The following CC2D2A variants were observed in gnomAD, a reference collection of about 807,000 sequenced individuals.
CC2D2A encodes the protein coiled-coil and C2 domain containing 2A, also known as coiled-coil and C2 domain-containing protein 2A.
A neutral mutation model predicts 212.9 loss-of-function variants in CC2D2A; 155 were observed. The observed-to-expected ratio is 0.73, with a 90% CI of 0.64 to 0.83. The LOEUF is 0.83. Ranked by LOEUF, CC2D2A falls within the 40% of genes least tolerant of loss-of-function variation. CC2D2A has a pLI of 0.00. For synonymous variants in CC2D2A, 667 were observed against 686.5 expected (o/e 0.97, Z 0.44); for missense variants, 1,856 against 1,956.2 (o/e 0.95, Z 0.97).
intron 8 of CC2D2A, chr4:15,511,744 T>C (rs1464219962): frequency 6.1e-6 from 1 of 163,492 alleles, no homozygotes; most frequent in Non-Finnish European, 1.3e-5. Flanking sequence ...GCAAAATATG[T>C]TCCTCTGCAA....
intron 8 of CC2D2A, among the ~76,000 whole-genome samples, chr4:15,512,228 C>T (rs1326580590): frequency 1.3e-5 from 2 of 152,158 alleles, no homozygotes; most frequent in African/African-American, 4.8e-5. Flanking sequence ...TCCAAAAACA[C>T]TGAAGACAAG....
chr4:15,538,486 C>T (rs1718257317), intron 16 of CC2D2A, among the ~76,000 whole-genome samples: 2 of 152,152 alleles, frequency 1.3e-5, no homozygotes, highest in Non-Finnish European at 2.9e-5. Flanking sequence ...TCTGTAACCT[C>T]AATGAGTCCT....
intron 4 of CC2D2A, among the ~76,000 whole-genome samples, chr4:15,500,943 C>T (rs1715911956): frequency 6.6e-6 from 1 of 152,160 alleles, no homozygotes; most frequent in South Asian, 2.1e-4. Context: ...TCTCCCAGAG[C>T]TTGGTGTCCT....
chr4:15,472,518 G>T (rs1057076656), intron 1 of CC2D2A, among the ~76,000 whole-genome samples: 2 of 152,012 alleles, frequency 1.3e-5, no homozygotes, highest in Non-Finnish European at 2.9e-5. Flanking sequence ...TAAAGGAAAT[G>T]ATCAGGAAAG....
rs376651324 is a variant in CC2D2A, at chr4:15,527,638, G to A, written c.1341G>A (p.Ala447=). 4.7e-5 allele frequency: 76 copies of A among 1,607,720 alleles called. No individual in the cohort carries two copies. Among genetic ancestry groups the A allele is most frequent in the Non-Finnish European group, 5.6e-5 (66 of 1,176,768 alleles). The stretch of plus-strand genomic sequence containing the variant: ...TTGCAAGACACCAGAGAAACAAGGC[G>A]AAATTTCTTACTGATAAGGTACATG... ...QYLARHQRNK[A]KFLTDKLQAL... is the part of the protein sequence containing the mutation. Residue 447 remains alanine (A), a synonymous_variant, in exon 12 of 37, where the codon GCG becomes GCA. Transcript: ENST00000424120.
intron 4 of CC2D2A, among the ~76,000 whole-genome samples, chr4:15,502,035 C>G (rs1715982321): frequency 1.3e-5 from 2 of 152,224 alleles, no homozygotes; most frequent in Non-Finnish European, 2.9e-5. Flanking sequence ...GCCACCCATT[C>G]ACCCGACAAG....
At chr4:15,545,323 A>G (rs909883308) in intron 17 of CC2D2A, among the ~76,000 whole-genome samples, 36 of 152,212 alleles carry the variant, frequency 2.4e-4, no homozygotes, top group South Asian at 2.1e-4. Context: ...TAATGCATCA[A>G]TTGATAACTC....
intron 36 of CC2D2A, among the ~76,000 whole-genome samples, chr4:15,600,903 CAAAAAAAAAA>C (rs5856308): frequency 1.1e-5 from 1 of 93,016 alleles, no homozygotes; most frequent in South Asian, 3.8e-4. Context: ...AGACCTGTCT[CAAAAAAAAAA>C]AAAAAAAAGA....
intron 11 of CC2D2A, among the ~76,000 whole-genome samples, chr4:15,524,746 C>T (rs1387276198): frequency 2.6e-5 from 4 of 152,188 alleles, no homozygotes; most frequent in African/African-American, 4.8e-5. Flanking sequence ...CCACCGCACC[C>T]GGCTTTAATT....
At chr4:15,578,812 GTTTGT>G (rs1484960277) in intron 29 of CC2D2A, among the ~76,000 whole-genome samples, 4 of 129,898 alleles carry the variant, frequency 3.1e-5, no homozygotes, top group Middle Eastern at 3.7e-3. Context: ...TTGTTTGTTT[GTTTGT>G]TTTTAATAGA....
At chr4:15,500,915 A>G (rs894394654) in intron 4 of CC2D2A, among the ~76,000 whole-genome samples, 6 of 152,086 alleles carry the variant, frequency 3.9e-5, no homozygotes, top group African/African-American at 1.4e-4. Context: ...CCAAGCCTTT[A>G]CTGTTCAGTC....
At chr4:15,591,813 A>G (rs1721121189) in intron 33 of CC2D2A, among the ~76,000 whole-genome samples, 1 of 152,220 alleles carries the variant, frequency 6.6e-6, no homozygotes, top group South Asian at 2.1e-4. Flanking sequence ...TAACTCTGTT[A>G]TCTGTCAAAA....
At chr4:15,595,954 C>T (rs1721298652) in intron 33 of CC2D2A, 131 bp from the exon 34 acceptor site, 1 of 536,390 alleles carries the variant, frequency 1.9e-6, no homozygotes, top group Admixed American at 4.3e-5. Flanking sequence ...CAAAAAATGA[C>T]AAAATGTATG....
At chr4:15,497,180 A>C (rs1306172774) in intron 4 of CC2D2A, among the ~76,000 whole-genome samples, 1 of 152,226 alleles carries the variant, frequency 6.6e-6, no homozygotes, top group Non-Finnish European at 1.5e-5. Flanking sequence ...AGGATACGGT[A>C]ACTAAAACAG....
chr4:15,470,261 C>G (rs1410548069), intron 1 of CC2D2A, among the ~76,000 whole-genome samples: 1 of 152,160 alleles, frequency 6.6e-6, no homozygotes, highest in Non-Finnish European at 1.5e-5. Context: ...GAGCTGCTAT[C>G]TGGTATCTGG....
intron 17 of CC2D2A, among the ~76,000 whole-genome samples, chr4:15,549,387 G>A (rs1577367692): frequency 6.6e-6 from 1 of 152,184 alleles, no homozygotes; most frequent in Non-Finnish European, 1.5e-5. Flanking sequence ...CCTGAATTCA[G>A]TACCTGTGCA....
rs139277917 is a variant in CC2D2A, at chr4:15,475,518, A to G, written c.-18-397A>G. On this transcript the variant is annotated intron_variant, in intron 1 of 36. Coordinates refer to ENST00000424120, the MANE Select transcript of CC2D2A (RefSeq NM_001378615.1). ...AAGCAGAGGAGGTGGCGGTGGCTCC[A>G]TGTGGTGGGAGGGGAAGGGGATGTA... Among the ~76,000 whole-genome samples the G allele has an allele frequency of 2.8e-3, 424 of 152,148 alleles. 1 individual carries two copies. The highest frequency in any genetic ancestry group is 9.9e-3 in the African/African-American group (409 of 41,522).
In CC2D2A at chr4:15,594,665, T is replaced by C. The variant is rs562181392; in HGVS notation, c.4315-1420T>C. On this transcript the variant is annotated intron_variant, in intron 33 of 36. Transcript: ENST00000424120. ...AAGTCAAGGAGTGCAAAAGTGTATTTTTTCTCTTTTAGTGGGAGGAACTGC... is the reference window on the plus strand; with the variant it reads ...AAGTCAAGGAGTGCAAAAGTGTATTCTTTCTCTTTTAGTGGGAGGAACTGC... 1.4e-3 allele frequency among the ~76,000 whole-genome samples: 210 copies of C among 152,312 alleles called. 3 individuals are homozygous for C. Among genetic ancestry groups the C allele is most frequent in the African/African-American group, 4.9e-3 (202 of 41,564 alleles).
intron 4 of CC2D2A, among the ~76,000 whole-genome samples, chr4:15,494,112 T>C (rs1484440876): frequency 1.3e-5 from 2 of 152,094 alleles, no homozygotes; most frequent in African/African-American, 4.8e-5. Flanking sequence ...TCAAAATATA[T>C]CTGTGATATT....
Sources: gnomAD v4.1 joint callset for allele counts (sites outside exome capture counted in the v4.1 genomes callset) on GRCh38, gnomAD v4.1.1 for gene constraint, MANE v1.5 for transcripts, NCBI Gene and HGNC (gene_info 2026-07-23, HGNC 2026-07-21) for gene names.